Variants in LAMA5 observed in about 807,000 individuals in gnomAD.
LAMA5 encodes laminin subunit alpha 5, also known as laminin subunit alpha-5.
In LAMA5, 260 loss-of-function variants were observed where a neutral mutation model predicts 433.4. The observed-to-expected ratio is 0.60, with a 90% CI of 0.54 to 0.66. The LOEUF (loss-of-function observed/expected upper bound fraction) is 0.66. Among genes scored for constraint, LAMA5 ranks in the 30% least tolerant of loss-of-function variants. The pLI, the probability that LAMA5 is intolerant of heterozygous loss-of-function variation, is 0.00. For missense variants in LAMA5, 5,378 were observed against 5,258.5 expected (o/e 1.02, Z -0.70); for synonymous variants, 2,620 against 2,226.6 (o/e 1.18, Z -4.97).
intron 75 of LAMA5, 26 bp downstream of exon 75, chr20:62,310,639 G>C (rs1424208558): frequency 3.8e-6 from 6 of 1,595,458 alleles, no homozygotes; most frequent in South Asian, 2.2e-5. Flanking sequence ...GGTGGGGAGT[G>C]GGGGCTGGGG....
rs757696733 is a variant in LAMA5, at chr20:62,310,959, G to A, written c.10224C>T (p.Leu3408=). ...NGHFVAQMEG[L]GTRLRAQSRQ... ...GGCTCTGGGCGCGGAGCCGAGTCCC[G>A]AGGCCTTCCATCTGTGCAACGAAGT... The change falls in exon 74 of 80, where the codon CTC becomes CTT. Residue 3408 remains leucine (L), a synonymous_variant. Transcript: ENST00000252999. The A allele has an allele frequency of 6.2e-6, 10 of 1,611,328 alleles. No individual in the cohort carries two copies. Among genetic ancestry groups the A allele is most frequent in the East Asian group, 2.2e-5 (1 of 44,874 alleles).
At chr20:62,354,817 G>A (rs1420326033) in intron 2 of LAMA5, among the ~76,000 whole-genome samples, 2 of 152,164 alleles carry the variant, frequency 1.3e-5, no homozygotes, top group Non-Finnish European at 2.9e-5. Flanking sequence ...TCACAAGCCT[G>A]GAGGCTCCAA....
chr20:62,346,013 C>A lies in LAMA5; in HGVS notation c.1417+68G>T, dbSNP rs1019797233. 5.4e-5 allele frequency: 87 copies of A among 1,601,562 alleles called. No homozygotes were observed. The Admixed American group carries it at 6.0e-4, about 11-fold the overall frequency. Reference sequence around the variant, plus strand: ...TGGTCCATCCCGGGGAACCCCTCCACCCCCTGCAGGGCTCCCGGAGTCCAG... The same window carrying A: ...TGGTCCATCCCGGGGAACCCCTCCAACCCCTGCAGGGCTCCCGGAGTCCAG... On this transcript the variant is annotated intron_variant, in intron 10 of 79. Coordinates refer to ENST00000252999, the MANE Select transcript of LAMA5 (RefSeq NM_005560.6).
In LAMA5 at chr20:62,328,244, C is replaced by T. The variant is rs1352944228; in HGVS notation, c.4649G>A (p.Cys1550Tyr). 5 of 1,602,982 alleles carry T rather than the reference C, an allele frequency of 3.1e-6. No homozygotes were observed. The highest frequency in any genetic ancestry group is 3.4e-6 in the Non-Finnish European group (4 of 1,175,096). ...DPTCDTDSGQ[C>Y]KCRPNVTGRR... is the part of the protein sequence containing the mutation. ...TGACGCCGCTCTGGGCTCTCACTTG[C>T]ACTGGCCGCTGTCTGTGTCACAGGT... Residue 1550 changes from cysteine (C) to tyrosine (Y), a missense_variant, in exon 35 of 80, where the codon TGC becomes TAC. By Grantham distance (194) the Cys-to-Tyr change is radical. Transcript: ENST00000252999.
chr20:62,334,538 C>A lies in LAMA5; in HGVS notation c.2566G>T (p.Gly856Cys), dbSNP rs1232838713. 2.6e-6 allele frequency: 4 copies of A among 1,548,556 alleles called. No homozygotes were observed. The highest frequency in any genetic ancestry group is 1.8e-4 in the Middle Eastern group (1 of 5,570). ...GVCRCRPNTQ[G>C]PTCSEPARDH... ...GGTACCCACTCGCTGCAGGTGGGGC[C>A]CTGGGTGTTGGGGCGGCACCGGCAG... is the stretch of plus-strand genomic sequence containing the variant. The change falls in exon 21 of 80, where the codon GGC (glycine) becomes TGC (cysteine). Residue 856 changes from glycine (G) to cysteine (C), a missense_variant. By Grantham distance (159) the Gly-to-Cys change is radical (BLOSUM62 -3). Coordinates refer to ENST00000252999, the MANE Select transcript of LAMA5 (RefSeq NM_005560.6).
chr20:62,315,170 C>G lies in LAMA5; in HGVS notation c.7905G>C (p.Val2635=). 1 of 1,611,070 alleles carries G rather than the reference C, an allele frequency of 6.2e-7. No individual in the cohort carries two copies. Among genetic ancestry groups the G allele is most frequent in the South Asian group, 1.1e-5 (1 of 91,006 alleles). The change falls in exon 59 of 80, where the codon GTG becomes GTC. Residue 2635 remains valine, a synonymous_variant. Coordinates refer to ENST00000252999, the MANE Select transcript of LAMA5 (RefSeq NM_005560.6). ...TGGCGGTGTCCTGGGCTTCAGCAGC[C>G]ACAGCCTTGGCATGTGCGATCTTCT... The part of the protein sequence containing the change: ...TSKKIAHAKA[V]AAEAQDTATR...
chr20:62,342,371 T>A (rs1982732440), intron 11 of LAMA5: 1 of 303,472 alleles, frequency 3.3e-6, no homozygotes, highest in South Asian at 2.4e-5. Flanking sequence ...TAATTTAAGA[T>A]CTCTGTTGAA....
At chr20:62,332,804 C>T in intron 26 of LAMA5, 87 bp from the exon 27 acceptor site, 2 of 1,503,142 alleles carry the variant, frequency 1.3e-6, no homozygotes, top group Non-Finnish European at 1.8e-6. Flanking sequence ...TCCCTGACCC[C>T]AGGGCCTGCC....
rs549356678 is a variant in LAMA5, at chr20:62,327,901, C to T, written c.4762G>A (p.Val1588Met). 60 of 1,611,446 alleles carry T rather than the reference C, an allele frequency of 3.7e-5. No homozygotes were observed. The highest frequency in any genetic ancestry group is 1.8e-4 in the Admixed American group (11 of 59,946). The change falls in exon 36 of 80, where the codon GTG becomes ATG. Residue 1588 changes from valine (V) to methionine (M), a missense_variant. By Grantham distance (21) the Val-to-Met change is conservative (BLOSUM62 1). Coordinates refer to ENST00000252999, the MANE Select transcript of LAMA5 (RefSeq NM_005560.6). ...CACTGCCCTGTGAGGGGGTCACACACGCCAGGCGCAGTGCCCGCCTCGTGA... is the reference window on the plus strand; with the variant it reads ...CACTGCCCTGTGAGGGGGTCACACATGCCAGGCGCAGTGCCCGCCTCGTGA... ...DCHEAGTAPG[V>M]CDPLTGQCYC... is the part of the protein sequence containing the mutation.
At position 62,313,020 on chromosome 20, in the gene LAMA5, CAG is replaced by C. The variant is rs778800296; in HGVS notation, c.8956-12_8956-11del. The stretch of plus-strand genomic sequence containing the variant: ...AGCACAGGAACTGGCTCTGCAGAAA[CAG>C]GGCAGGGTTAGTGTGGGGCAGGGTC... On this transcript the variant is annotated splice_polypyrimidine_tract_variant and intron_variant, in intron 65 of 79. Transcript: ENST00000252999. 5.7e-6 allele frequency: 9 copies of C among 1,584,832 alleles called. No individual in the cohort carries two copies. In the Admixed American group the frequency reaches 1.2e-4, roughly 21 times the overall value.
rs1465740554 is a variant in LAMA5 at position 62,316,752 on chromosome 20, C to G, written c.7675G>C (p.Val2559Leu). ...GCCAGGAGCTGCTGGGCTCGGTCCA[C>G]CAGGCCCTGCCGCACCACCGTCTGT... Reference protein sequence around the residue: ...TWATVVRQGLVDRAQQLLANS... With the variant: ...TWATVVRQGLLDRAQQLLANS... The change falls in exon 57 of 80, where the codon GTG becomes CTG. Residue 2559 changes from valine (V) to leucine (L), a missense_variant. Val to Leu is a conservative substitution (Grantham distance 32). Transcript: ENST00000252999. The G allele has an allele frequency of 4.4e-6, 7 of 1,607,228 alleles. No homozygotes were observed. Among genetic ancestry groups the G allele is most frequent in the Non-Finnish European group, 5.9e-6 (7 of 1,177,042 alleles).
intron 3 of LAMA5, among the ~76,000 whole-genome samples, chr20:62,352,561 G>A (rs1381019401): frequency 6.6e-6 from 1 of 151,984 alleles, no homozygotes; most frequent in Non-Finnish European, 1.5e-5. Context: ...TCCCTTGCAC[G>A]CTTTGAGTGC....
chr20:62,321,197 GGCC>G (rs1987678201), intron 48 of LAMA5, among the ~76,000 whole-genome samples: 1 of 121,264 alleles, frequency 8.2e-6, no homozygotes, highest in Non-Finnish European at 1.8e-5. Context: ...GAAGGGGTGG[GGCC>G]AGTGGAGGAA....
At chr20:62,321,927 G>T in intron 48 of LAMA5, 92 bp downstream of exon 48, 1 of 1,293,972 alleles carries the variant, frequency 7.7e-7, no homozygotes, top group South Asian at 1.2e-5. Context: ...GACCACTCTG[G>T]GAGGTCGACG....
intron 23 of LAMA5, 65 bp downstream of exon 23, chr20:62,333,836 A>AGTGGGGTGGAGTGGG: frequency 8.5e-7 from 1 of 1,176,238 alleles, no homozygotes; most frequent in Non-Finnish European, 1.1e-6. Flanking sequence ...GGGGCTTGGG[A>AGTGGGGTGGAGTGGG]GTGGGGTGGG....
rs150238261 is a variant in LAMA5 at position 62,311,238 on chromosome 20, G to T, written c.10012C>A (p.Arg3338=). 2.1e-5 allele frequency: 34 copies of T among 1,609,568 alleles called. No homozygotes were observed. Among genetic ancestry groups the T allele is most frequent in the South Asian group, 7.7e-5 (7 of 90,858 alleles). ...CMLPPHLRTT[R]DSYQFGGSLS... ...GAACCCCCAAACTGGTAGGAGTCTC[G>T]GGTGGTCCTGAGGTGTGGGGGCAGC... The change falls in exon 73 of 80, where the codon CGA becomes AGA. Residue 3338 remains arginine (R), a synonymous_variant. Coordinates refer to ENST00000252999, the MANE Select transcript of LAMA5 (RefSeq NM_005560.6).
rs1200399904 is a variant in LAMA5, at chr20:62,312,066, A to G, written c.9505-16T>C. 36 of 1,610,444 alleles carry G rather than the reference A, an allele frequency of 2.2e-5. No individual in the cohort carries two copies. The highest frequency in any genetic ancestry group is 3.0e-5 in the Non-Finnish European group (35 of 1,178,406). On this transcript the variant is annotated splice_polypyrimidine_tract_variant and intron_variant, in intron 69 of 79. Transcript: ENST00000252999. ...ATAGCCCATCCTGGGGACGGCAGCC[A>G]GGTCAGCCGGCCGGCCTGGGGACCC...
At position 62,325,324 on chromosome 20, in the gene LAMA5, A is replaced by T; in HGVS notation, c.5521T>A (p.Ser1841Thr). The T allele has an allele frequency of 6.3e-7, 1 of 1,582,322 alleles. No homozygotes were observed. The highest frequency in any genetic ancestry group is 1.1e-5 in the South Asian group (1 of 87,184). Residue 1841 changes from serine (S) to threonine (T), a missense_variant, in exon 41 of 80, where the codon TCA becomes ACA. Physicochemically the swap from Ser to Thr is moderately conservative, Grantham distance 58 (BLOSUM62 1). Transcript: ENST00000252999. ...TGCTGTCCTAACCTCACCTGGCATG[A>T]GTCCCCCCGGTAGCTGGCGGGGCAC... The part of the protein sequence containing the change: ...CLCPASYRGD[S>T]CQECAPGFYR...
chr20:62,321,881 C>T, intron 48 of LAMA5, 138 bp downstream of exon 48: 1 of 833,452 alleles, frequency 1.2e-6, no homozygotes, highest in South Asian at 1.5e-5. Context: ...TGGAGTTGGA[C>T]AGGCATGGGT....
Sources: gnomAD v4.1 joint callset for allele counts (sites outside exome capture counted in the v4.1 genomes callset) on GRCh38, gnomAD v4.1.1 for gene constraint, MANE v1.5 for transcripts, NCBI Gene and HGNC (gene_info 2026-07-23, HGNC 2026-07-21) for gene names.